Variants in AGBL1 observed in about 807,000 individuals in gnomAD.
AGBL1 encodes the protein cytosolic carboxypeptidase 4.
Under a neutral mutation model 118.9 loss-of-function variants are expected in AGBL1, and 130 were observed. That is an observed-to-expected ratio of 1.09 (90% CI 0.95 to 1.26). The LOEUF (loss-of-function observed/expected upper bound fraction) is 1.26. Among genes scored for constraint, AGBL1 ranks in the 50% most tolerant of loss-of-function variants. The probability of loss-of-function intolerance (pLI) is 0.00; values close to 1 mark genes in which losing one functional copy is unlikely to be tolerated. For missense variants in AGBL1, 1,584 were observed against 1,298.1 expected (o/e 1.22, Z -3.38); for synonymous variants, 555 against 478.9 (o/e 1.16, Z -2.08).
intron 22 of AGBL1, among the ~76,000 whole-genome samples, chr15:86,800,042 A>T (rs918671733): frequency 6.6e-6 from 1 of 152,078 alleles, no homozygotes; most frequent in Non-Finnish European, 1.5e-5. Flanking sequence ...ATTATTTTTC[A>T]TTATTCTCAT....
chr15:86,235,794 G>A (rs1224814534), intron 6 of AGBL1, among the ~76,000 whole-genome samples: 2 of 152,222 alleles, frequency 1.3e-5, no homozygotes, highest in Admixed American at 6.5e-5. Context: ...CAATTAGCAA[G>A]GTCTGGAGAC....
intron 22 of AGBL1, among the ~76,000 whole-genome samples, chr15:86,685,133 G>A (rs1212423170): frequency 1.3e-5 from 2 of 152,060 alleles, no homozygotes; most frequent in Non-Finnish European, 2.9e-5. Context: ...GATACAAGAC[G>A]ACCCTTTACA....
chr15:86,219,945 CT>C (rs68023928), intron 5 of AGBL1, among the ~76,000 whole-genome samples: 3,125 of 85,688 alleles, frequency 0.036, 38 homozygotes, highest in African/African-American at 0.058. Flanking sequence ...AATGCTGCCT[CT>C]TTTTTTTTTT....
At chr15:86,378,730 C>T (rs2081072046) in intron 17 of AGBL1, among the ~76,000 whole-genome samples, 2 of 151,894 alleles carry the variant, frequency 1.3e-5, no homozygotes, top group African/African-American at 4.8e-5. Flanking sequence ...CAAATTGAGG[C>T]CACATGTAAG....
At chr15:86,433,216 T>C (rs1206715441) in intron 18 of AGBL1, among the ~76,000 whole-genome samples, 4 of 149,136 alleles carry the variant, frequency 2.7e-5, no homozygotes, top group Non-Finnish European at 4.4e-5. Context: ...TTTCCTCCTC[T>C]TCTTCTTCTT....
intron 5 of AGBL1, among the ~76,000 whole-genome samples, chr15:86,182,677 ATT>A (rs2077570287): frequency 6.6e-6 from 1 of 152,108 alleles, no homozygotes; most frequent in South Asian, 2.1e-4. Flanking sequence ...TTTCTTTGCT[ATT>A]TCAGCATTGC....
At chr15:86,596,110 A>T (rs2084401783) in intron 21 of AGBL1, among the ~76,000 whole-genome samples, 1 of 152,060 alleles carries the variant, frequency 6.6e-6, no homozygotes, top group Non-Finnish European at 1.5e-5. Context: ...ACCAGCCTGG[A>T]CAACACAGGA....
chr15:86,302,636 G>A (rs572523909), intron 17 of AGBL1, among the ~76,000 whole-genome samples: 7 of 152,010 alleles, frequency 4.6e-5, no homozygotes, highest in African/African-American at 1.4e-4. Context: ...AAAATGAGCC[G>A]AATGTGGTGG....
intron 16 of AGBL1, among the ~76,000 whole-genome samples, chr15:86,290,057 T>A (rs2079519524): frequency 6.6e-6 from 1 of 152,194 alleles, no homozygotes; most frequent in African/African-American, 2.4e-5. Flanking sequence ...AATATTACTA[T>A]ATCGATGTAA....
At chr15:86,619,418 A>G (rs2084774661) in intron 21 of AGBL1, among the ~76,000 whole-genome samples, 1 of 152,202 alleles carries the variant, frequency 6.6e-6, no homozygotes, top group African/African-American at 2.4e-5. Flanking sequence ...AAACAAAATG[A>G]AAAGTTCAGT....
chr15:86,191,039 A>G (rs1344623531), intron 5 of AGBL1, among the ~76,000 whole-genome samples: 2 of 152,120 alleles, frequency 1.3e-5, no homozygotes, highest in Non-Finnish European at 2.9e-5. Flanking sequence ...AGATGCCTGA[A>G]GAAGACAGAA....
chr15:86,323,092 A>C (rs978087107), intron 17 of AGBL1, among the ~76,000 whole-genome samples: 3 of 151,966 alleles, frequency 2.0e-5, no homozygotes, highest in African/African-American at 7.3e-5. Context: ...ATAGTCACTT[A>C]TTCCCCAAAT....
chr15:86,244,071 A>ATAAG (rs1216545416), intron 6 of AGBL1, among the ~76,000 whole-genome samples: 1 of 148,722 alleles, frequency 6.7e-6, no homozygotes, highest in African/African-American at 2.5e-5. Flanking sequence ...AAGTAAATAA[A>ATAAG]TAAATAAATA....
chr15:86,175,757 A>G (rs906046833), intron 5 of AGBL1, among the ~76,000 whole-genome samples: 2 of 152,150 alleles, frequency 1.3e-5, no homozygotes, highest in Admixed American at 6.5e-5. Context: ...CCTTGACTCA[A>G]TGGCCATTCA....
chr15:86,423,703 T>G (rs1725997791), intron 18 of AGBL1, among the ~76,000 whole-genome samples: 1 of 152,184 alleles, frequency 6.6e-6, no homozygotes, highest in Non-Finnish European at 1.5e-5. Flanking sequence ...GTATACAAAA[T>G]CAATGTGTGA....
At position 86,475,276 on chromosome 15, in the gene AGBL1, A is replaced by G. The variant is rs1192400393; in HGVS notation, c.2556-47534A>G. ...AGGCTTCAGACGATTAAACTTCTCC[A>G]AGCTAAAGAAGGAAGTTCGAACCCA... On this transcript the variant is annotated intron_variant, in intron 18 of 22. Coordinates refer to ENST00000614907, the MANE Select transcript of AGBL1 (RefSeq NM_001386094.1). 3.9e-5 allele frequency among the ~76,000 whole-genome samples: 6 copies of G among 152,192 alleles called. No individual in the cohort carries two copies. In the South Asian group the frequency reaches 1.2e-3, roughly 32 times the overall value.
At chr15:86,887,216 CCT>C (rs1260838600) in intron 22 of AGBL1, among the ~76,000 whole-genome samples, 1 of 152,102 alleles carries the variant, frequency 6.6e-6, no homozygotes, top group Non-Finnish European at 1.5e-5. Context: ...TGCCATCTAT[CCT>C]CTGTCATTCC....
At chr15:86,960,299 T>C (rs1335286302) in intron 23 of AGBL1, among the ~76,000 whole-genome samples, 1 of 152,062 alleles carries the variant, frequency 6.6e-6, no homozygotes, top group African/African-American at 2.4e-5. Flanking sequence ...ATTTTATAGC[T>C]TTTCTTTCCT....
At chr15:86,686,449 T>TC (rs2086058681) in intron 22 of AGBL1, among the ~76,000 whole-genome samples, 1 of 150,246 alleles carries the variant, frequency 6.7e-6, no homozygotes, top group Non-Finnish European at 1.5e-5. Context: ...TAAGTTTTTT[T>TC]TTTTTTTTTT....
Sources: gnomAD v4.1 joint callset for allele counts (sites outside exome capture counted in the v4.1 genomes callset) on GRCh38, gnomAD v4.1.1 for gene constraint, MANE v1.5 for transcripts, NCBI Gene and HGNC (gene_info 2026-07-23, HGNC 2026-07-21) for gene names.